GABRG3: variants seen among roughly 807,000 people sequenced by gnomAD.
The protein encoded by GABRG3 is gamma-aminobutyric acid receptor subunit gamma-3.
Under a neutral mutation model 48.8 loss-of-function variants are expected in GABRG3, and 25 were observed. That is an observed-to-expected ratio of 0.51 (90% CI 0.37 to 0.72). The LOEUF (loss-of-function observed/expected upper bound fraction) is 0.72. GABRG3 is among the 30% of genes least tolerant of loss of function. The pLI is 0.00. For synonymous variants in GABRG3, 227 were observed against 217.6 expected, an observed-to-expected ratio of 1.04 and a Z score of -0.38; for missense variants, 394 against 577.9, an observed-to-expected ratio of 0.68 and a Z score of 3.26.
chr15:27,178,625 G>T (rs12904325), intron 3 of GABRG3, among the ~76,000 whole-genome samples: 1 of 152,032 alleles, frequency 6.6e-6, no homozygotes, highest in African/African-American at 2.4e-5. Context: ...CCAGAGACAC[G>T]GGGGAGATTG....
At chr15:27,436,974 T>G (rs1888631451) in intron 5 of GABRG3, among the ~76,000 whole-genome samples, 1 of 140,752 alleles carries the variant, frequency 7.1e-6, no homozygotes, top group African/African-American at 2.7e-5. Flanking sequence ...CCAGCCTGGG[T>G]GAGACTCCTT....
intron 2 of GABRG3, among the ~76,000 whole-genome samples, chr15:26,996,851 A>T (rs1895350964): frequency 6.6e-6 from 1 of 152,030 alleles, no homozygotes; most frequent in African/African-American, 2.4e-5. Flanking sequence ...ACGGGGTTTC[A>T]CCGTGTTAGC....
At chr15:27,359,213 G>T (rs1894943119) in intron 5 of GABRG3, among the ~76,000 whole-genome samples, 1 of 152,242 alleles carries the variant, frequency 6.6e-6, no homozygotes, top group Non-Finnish European at 1.5e-5. Context: ...CCTGAGGCCG[G>T]GTGGGAAGGA....
At chr15:27,411,625 G>A (rs548066479) in intron 5 of GABRG3, among the ~76,000 whole-genome samples, 17 of 152,030 alleles carry the variant, frequency 1.1e-4, no homozygotes, top group Non-Finnish European at 2.2e-4. Flanking sequence ...CTGCTTTTAT[G>A]GGGGGGATTT....
intron 3 of GABRG3, among the ~76,000 whole-genome samples, chr15:27,053,822 C>A (rs1200544425): frequency 6.6e-6 from 1 of 152,184 alleles, no homozygotes; most frequent in Non-Finnish European, 1.5e-5. Context: ...TCCTTTGCAG[C>A]TACATGGATG....
At chr15:27,531,752 C>T (rs543812088) in intron 9 of GABRG3, among the ~76,000 whole-genome samples, 8 of 152,348 alleles carry the variant, frequency 5.3e-5, no homozygotes, top group African/African-American at 1.9e-4. Context: ...CAGCCTCTGT[C>T]TGAAGAATTG....
chr15:27,350,715 CAG>C (rs1021123568), intron 5 of GABRG3, among the ~76,000 whole-genome samples: 21 of 152,242 alleles, frequency 1.4e-4, no homozygotes, highest in Admixed American at 1.2e-3. Flanking sequence ...AGGAAGTCCC[CAG>C]AGCCATGGGG....
chr15:27,064,974 A>T (rs898158751), intron 3 of GABRG3, among the ~76,000 whole-genome samples: 1 of 152,138 alleles, frequency 6.6e-6, no homozygotes, highest in African/African-American at 2.4e-5. Context: ...AGTCAGTTAA[A>T]TTTTGTTCCT....
At chr15:27,414,008 A>T (rs1311904091) in intron 5 of GABRG3, among the ~76,000 whole-genome samples, 1 of 152,210 alleles carries the variant, frequency 6.6e-6, no homozygotes, top group African/African-American at 2.4e-5. Context: ...TTCCTTAGAG[A>T]TGTTAATGCT....
At chr15:27,253,665 C>T (rs1304852733) in intron 3 of GABRG3, among the ~76,000 whole-genome samples, 1 of 152,206 alleles carries the variant, frequency 6.6e-6, no homozygotes, top group African/African-American at 2.4e-5. Flanking sequence ...GTTCAGGCGC[C>T]CACAGCCCTT....
intron 3 of GABRG3, among the ~76,000 whole-genome samples, chr15:27,177,157 T>G (rs1887773965): frequency 6.6e-6 from 1 of 152,164 alleles, no homozygotes; most frequent in South Asian, 2.1e-4. Context: ...GTGGCAACAC[T>G]GTCTTTGTGT....
At chr15:27,235,964 G>GT (rs1889948879) in intron 3 of GABRG3, among the ~76,000 whole-genome samples, 1 of 152,086 alleles carries the variant, frequency 6.6e-6, no homozygotes, top group African/African-American at 2.4e-5. Flanking sequence ...CTTACTAATG[G>GT]TTTTTCTTGA....
intron 5 of GABRG3, among the ~76,000 whole-genome samples, chr15:27,446,175 A>G (rs993930304): frequency 6.6e-6 from 1 of 152,196 alleles, no homozygotes; most frequent in Non-Finnish European, 1.5e-5. Flanking sequence ...CCATGTCTAC[A>G]CAAGAGTCAG....
intron 7 of GABRG3, 67 bp downstream of exon 7, chr15:27,520,191 C>T: frequency 1.5e-6 from 2 of 1,374,910 alleles, no homozygotes; most frequent in Non-Finnish European, 1.0e-6. Context: ...ATAAAAAATA[C>T]CTTCAATGTA....
intron 5 of GABRG3, among the ~76,000 whole-genome samples, chr15:27,461,780 C>G (rs1889457668): frequency 6.6e-6 from 1 of 152,180 alleles, no homozygotes; most frequent in East Asian, 1.9e-4. Flanking sequence ...CCCCGCCAGA[C>G]CCATAAGCCC....
intron 5 of GABRG3, among the ~76,000 whole-genome samples, chr15:27,357,076 C>A (rs1317116868): frequency 6.6e-6 from 1 of 152,096 alleles, no homozygotes; most frequent in Non-Finnish European, 1.5e-5. Context: ...GTTTTTTAGA[C>A]TTCTAAAAGG....
chr15:27,188,417 T>G (rs1888171802), intron 3 of GABRG3, among the ~76,000 whole-genome samples: 1 of 152,250 alleles, frequency 6.6e-6, no homozygotes. Context: ...ATGATTGCCA[T>G]TCTAACTGGT....
intron 5 of GABRG3, among the ~76,000 whole-genome samples, chr15:27,426,177 C>T (rs1261830407): frequency 6.6e-6 from 1 of 152,142 alleles, no homozygotes; most frequent in East Asian, 1.9e-4. Flanking sequence ...CAAGTGCCTC[C>T]TCCCCACAGA....
intron 6 of GABRG3, among the ~76,000 whole-genome samples, chr15:27,490,905 C>G (rs1188414866): frequency 6.6e-6 from 1 of 151,880 alleles, no homozygotes; most frequent in Non-Finnish European, 1.5e-5. Flanking sequence ...CCACCACCCC[C>G]CCTTCACACT....
Sources: allele counts gnomAD v4.1 joint callset (sites outside exome capture counted in the v4.1 genomes callset), GRCh38; gene constraint gnomAD v4.1.1; transcripts MANE v1.5; gene names NCBI Gene and HGNC (gene_info 2026-07-23, HGNC 2026-07-21).